UTY: variants seen among roughly 807,000 people sequenced by gnomAD.
The protein encoded by UTY is ubiquitously transcribed tetratricopeptide repeat containing, Y-linked.
UTY carries 12 observed loss-of-function variants against 32.5 expected under a neutral mutation model. That is an observed-to-expected ratio of 0.37 (90% CI 0.24 to 0.60). The LOEUF (loss-of-function observed/expected upper bound fraction) is 0.60, where lower values mean the gene tolerates loss of function less well. Among genes scored for constraint, UTY ranks in the 20% least tolerant of loss-of-function variants. The pLI, the probability that UTY is intolerant of heterozygous loss-of-function variation, is 0.69. For synonymous variants in UTY, 131 were observed against 103.4 expected, an observed-to-expected ratio of 1.27 and a Z score of -1.62; for missense variants, 303 against 299.2, an observed-to-expected ratio of 1.01 and a Z score of -0.09.
In UTY at chrY:13,356,011, T is replaced by A; in HGVS notation, c.1577A>T (p.Glu526Val). The change falls in exon 16 of 30, where the codon GAA (glutamate) becomes GTA (valine). Residue 526 changes from glutamate (E) to valine (V), a missense_variant. Coordinates refer to ENST00000545955, the MANE Select transcript of UTY (RefSeq NM_001258249.2). ...ATTATCTCTATTTGCTCGCAGTTGT[T>A]CCAAGTGCTAGAAGAAAAGAGATTA... ...CLTPQKLQHL[E>V]QLRANRDNLN... is the part of the protein sequence containing the mutation. The A allele has an allele frequency of 2.6e-6, 1 of 380,915 alleles. No homozygotes were observed. Among genetic ancestry groups the A allele is most frequent in the African/African-American group, 6.3e-5 (1 of 15,799 alleles).
At chrY:13,238,921 T>C in intron 28 of UTY, among the ~76,000 whole-genome samples, 1 of 33,710 alleles carries the variant, frequency 3.0e-5, no homozygotes, top group African/African-American at 1.2e-4. Context: ...AAAAGACACA[T>C]GAGAAAGCAA....
rs2054106544 is a variant in UTY at position 13,250,989 on chromosome Y, TA to T, written c.4308+27del. 5.6e-5 allele frequency: 22 copies of T among 391,252 alleles called. No individual in the cohort carries two copies. In the South Asian group the frequency reaches 6.7e-4, roughly 12 times the overall value. On this transcript the variant is annotated intron_variant, in intron 29 of 29. Transcript: ENST00000545955. ...GACCATTGCTTTAAACCCACCTAAT[TA>T]AGTGTACTCACGTGTTAATGACTTA...
intron 8 of UTY, 137 bp downstream of exon 8, chrY:13,393,722 A>G: frequency 8.0e-6 from 1 of 125,434 alleles, no homozygotes. Flanking sequence ...TACAAAATAC[A>G]TGCAAGAGTA....
intron 8 of UTY, among the ~76,000 whole-genome samples, chrY:13,376,143 T>C: frequency 3.0e-5 from 1 of 33,219 alleles, no homozygotes; most frequent in Non-Finnish European, 7.5e-5. Flanking sequence ...AATATTTTCT[T>C]ATTATTACTA....
intron 28 of UTY, among the ~76,000 whole-genome samples, chrY:13,255,344 C>G: frequency 3.0e-5 from 1 of 33,327 alleles, no homozygotes; most frequent in Non-Finnish European, 7.4e-5. Context: ...TTGAAAGAAC[C>G]ACTTCAAGTG....
At position 13,410,982 on chromosome Y, in the gene UTY, C is replaced by CA. The variant is rs774315810; in HGVS notation, c.555+10dup. The CA allele has an allele frequency of 1.8e-5, 7 of 395,306 alleles. No homozygotes were observed. Among genetic ancestry groups the CA allele is most frequent in the South Asian group, 9.0e-5 (3 of 33,442 alleles). ...GAAATTGTGTATGTGGGAAAAATCT[C>CA]AACCACCTACCTTTAAACTAGACTT... On this transcript the variant is annotated intron_variant, in intron 6 of 29. Coordinates refer to ENST00000545955, the MANE Select transcript of UTY (RefSeq NM_001258249.2).
intron 8 of UTY, among the ~76,000 whole-genome samples, chrY:13,392,577 C>A: frequency 1.8e-4 from 6 of 33,620 alleles, no homozygotes; most frequent in Non-Finnish European, 3.0e-4. Flanking sequence ...CCTTGTGGAG[C>A]ACAGGGAGAA....
intron 27 of UTY, among the ~76,000 whole-genome samples, chrY:13,279,961 T>C (rs2056918452): frequency 2.9e-5 from 1 of 34,154 alleles, no homozygotes; most frequent in African/African-American, 1.1e-4. Flanking sequence ...AATAGCAGAA[T>C]TGATCAGAAG....
chrY:13,314,476 A>C (rs574817912), intron 21 of UTY, among the ~76,000 whole-genome samples: 1 of 33,758 alleles, frequency 3.0e-5, no homozygotes, highest in Non-Finnish European at 7.3e-5. Context: ...ATACTATAGC[A>C]ATCAAAATAG....
At chrY:13,263,863 G>A in intron 27 of UTY, among the ~76,000 whole-genome samples, 4 of 33,535 alleles carry the variant, frequency 1.2e-4, no homozygotes, top group African/African-American at 4.7e-4. Context: ...ACATGCCATG[G>A]TGGTTGGCTG....
intron 12 of UTY, 55 bp from the exon 13 acceptor site, chrY:13,359,277 A>G (rs2063287219): frequency 2.7e-6 from 1 of 369,873 alleles, no homozygotes. Flanking sequence ...GAGTAAGAGC[A>G]AGTCCACTAA....
rs777096094 is a variant in UTY, at chrY:13,378,156, T to C, written c.646-8807A>G. ...TGCGGAAGGTAAAAAGGCAAGGAAA[T>C]AGATATAAGGGATGTCTACATTTCA... On this transcript the variant is annotated intron_variant, in intron 8 of 29. Transcript: ENST00000545955. Among the ~76,000 whole-genome samples the C allele has an allele frequency of 9.3e-4, 31 of 33,288 alleles. No homozygotes were observed. In the South Asian group the frequency reaches 0.02, roughly 21 times the overall value. The allele number at this position is 33,288 out of a possible 37,273, so 89.3% of individuals were successfully genotyped here.
intron 8 of UTY, among the ~76,000 whole-genome samples, chrY:13,392,259 C>G: frequency 3.0e-5 from 1 of 33,490 alleles, no homozygotes; most frequent in Non-Finnish European, 7.4e-5. Context: ...GAAAAAAAGA[C>G]ATACCCAAAA....
At chrY:13,395,200 AG>A (rs2068003650) in intron 7 of UTY, among the ~76,000 whole-genome samples, 1 of 33,331 alleles carries the variant, frequency 3.0e-5, no homozygotes, top group Non-Finnish European at 7.4e-5. Flanking sequence ...AAAAGAAAAA[AG>A]TCATATATAT....
intron 21 of UTY, among the ~76,000 whole-genome samples, chrY:13,320,139 T>C: frequency 9.0e-5 from 3 of 33,444 alleles, no homozygotes. Flanking sequence ...TTGTCAAATA[T>C]AAAATGGTGC....
intron 6 of UTY, among the ~76,000 whole-genome samples, chrY:13,404,477 C>G: frequency 9.0e-5 from 3 of 33,364 alleles, no homozygotes; most frequent in Admixed American, 5.4e-4. Flanking sequence ...AATCTGAGTT[C>G]CATTTAAAAA....
chrY:13,456,931 C>A, intron 3 of UTY, among the ~76,000 whole-genome samples: 1 of 33,322 alleles, frequency 3.0e-5, no homozygotes, highest in Non-Finnish European at 7.4e-5. Context: ...GGCCATCTCA[C>A]TCCCCTTAGA....
intron 3 of UTY, among the ~76,000 whole-genome samples, chrY:13,463,014 C>G: frequency 3.3e-5 from 1 of 29,990 alleles, no homozygotes; most frequent in Non-Finnish European, 8.0e-5. Context: ...ATTCCTCCCC[C>G]CTCCCCCCAA....
chrY:13,342,456 T>C, intron 17 of UTY, among the ~76,000 whole-genome samples: 1 of 33,914 alleles, frequency 2.9e-5, no homozygotes, highest in East Asian at 7.8e-4. Context: ...CTGCTGACAC[T>C]GCTTGGTTTA....
Sources: allele counts gnomAD v4.1 joint callset (sites outside exome capture counted in the v4.1 genomes callset), GRCh38; gene constraint gnomAD v4.1.1; transcripts MANE v1.5; gene names NCBI Gene and HGNC (gene_info 2026-07-23, HGNC 2026-07-21).